Variants in NAALADL2 observed in about 807,000 individuals in gnomAD.
NAALADL2 encodes N-acetylated alpha-linked acidic dipeptidase like 2, also known as inactive N-acetylated-alpha-linked acidic dipeptidase-like protein 2.
In NAALADL2, 76 loss-of-function variants were observed where a neutral mutation model predicts 87.2. The ratio of observed to expected loss-of-function variants is 0.87; its 90% CI spans 0.72 to 1.05. The LOEUF is 1.05. NAALADL2 is among the 50% of genes least tolerant of loss of function. The pLI is 0.00. For synonymous variants in NAALADL2, 354 were observed against 331.0 expected, an observed-to-expected ratio of 1.07 and a Z score of -0.75; for missense variants, 1,089 against 945.8, an observed-to-expected ratio of 1.15 and a Z score of -1.99.
At chr3:175,348,772 CT>C (rs1335359560) in intron 5 of NAALADL2, among the ~76,000 whole-genome samples, 1 of 152,190 alleles carries the variant, frequency 6.6e-6, no homozygotes, top group Non-Finnish European at 1.5e-5. Context: ...TGCAAAGACT[CT>C]TTTTCTTAAG....
chr3:175,348,953 T>A (rs1763445980), intron 5 of NAALADL2, among the ~76,000 whole-genome samples: 1 of 152,150 alleles, frequency 6.6e-6, no homozygotes, highest in South Asian at 2.1e-4. Context: ...AAATAAAGCA[T>A]CCCTGTTAAT....
chr3:175,509,359 C>G (rs745936619), intron 9 of NAALADL2, among the ~76,000 whole-genome samples: 3 of 152,118 alleles, frequency 2.0e-5, no homozygotes, highest in Non-Finnish European at 2.9e-5. Flanking sequence ...CATATTTTGC[C>G]CTGTAGGGCT....
chr3:175,180,571 A>G (rs1580814140), intron 2 of NAALADL2, among the ~76,000 whole-genome samples: 2 of 152,132 alleles, frequency 1.3e-5, no homozygotes, highest in South Asian at 2.1e-4. Context: ...CACACACTGT[A>G]TCTCTCTATT....
At chr3:174,667,188 A>G (rs1458334158) in intron 2 of NAALADL2, among the ~76,000 whole-genome samples, 3 of 152,148 alleles carry the variant, frequency 2.0e-5, no homozygotes, top group East Asian at 3.9e-4. Flanking sequence ...ATGCATACCC[A>G]GAAGTAAGAT....
At chr3:175,318,256 G>A (rs1009680051) in intron 4 of NAALADL2, among the ~76,000 whole-genome samples, 2 of 152,006 alleles carry the variant, frequency 1.3e-5, no homozygotes, top group Admixed American at 1.3e-4. Context: ...TAGCATTTAT[G>A]ATGTGGTTTT....
intron 11 of NAALADL2, among the ~76,000 whole-genome samples, chr3:175,668,542 CA>C (rs1233941399): frequency 1.3e-5 from 2 of 152,024 alleles, no homozygotes; most frequent in East Asian, 3.9e-4. Context: ...AATTATACAG[CA>C]CAAGAAAACA....
At chr3:175,684,728 G>A (rs570879151) in intron 11 of NAALADL2, among the ~76,000 whole-genome samples, 4 of 152,210 alleles carry the variant, frequency 2.6e-5, no homozygotes, top group South Asian at 2.1e-4. Flanking sequence ...ACTTGAGCCC[G>A]GGAGTTTAAG....
At chr3:175,278,129 AATAAT>A (rs1292755851) in intron 4 of NAALADL2, among the ~76,000 whole-genome samples, 3 of 152,224 alleles carry the variant, frequency 2.0e-5, no homozygotes, top group Admixed American at 6.5e-5. Flanking sequence ...CCGTCTCAAT[AATAAT>A]AATAATAATA....
rs923425936 is a variant in NAALADL2 at position 175,110,109 on chromosome 3, C to T, written c.545+12818C>T. 1.8e-4 allele frequency among the ~76,000 whole-genome samples: 27 copies of T among 151,874 alleles called. 1 individual carries two copies. The highest frequency in any genetic ancestry group is 6.3e-4 in the African/African-American group (26 of 41,470). On this transcript the variant is annotated intron_variant, in intron 2 of 13. Coordinates refer to ENST00000454872, the MANE Select transcript of NAALADL2 (RefSeq NM_207015.3). ...TTATTGTGTTTTGGGGCATTTTTCC[C>T]ATAAATTTCACATTACATACAGAAC...
intron 9 of NAALADL2, among the ~76,000 whole-genome samples, chr3:175,484,893 A>G (rs1235107256): frequency 6.6e-6 from 1 of 152,134 alleles, no homozygotes; most frequent in African/African-American, 2.4e-5. Flanking sequence ...TGCTGTTCTT[A>G]TCAGTGTGCT....
intron 5 of NAALADL2, among the ~76,000 whole-genome samples, chr3:175,359,311 G>A (rs1333474452): frequency 6.6e-6 from 1 of 151,852 alleles, no homozygotes; most frequent in African/African-American, 2.4e-5. Flanking sequence ...TTTTTGCAAA[G>A]GACAAATACC....
intron 9 of NAALADL2, among the ~76,000 whole-genome samples, chr3:175,574,928 T>A (rs1718638363): frequency 6.6e-6 from 1 of 152,216 alleles, no homozygotes; most frequent in Non-Finnish European, 1.5e-5. Context: ...TTCTCACAAC[T>A]GTCCGGGAGA....
intron 5 of NAALADL2, among the ~76,000 whole-genome samples, chr3:175,361,376 A>G (rs1001844472): frequency 6.7e-6 from 1 of 148,302 alleles, no homozygotes; most frequent in Non-Finnish European, 1.5e-5. Context: ...CTTTGGGTAT[A>G]TACCCAGTAA....
At chr3:174,792,368 A>G (rs563237397) in intron 3 of NAALADL2, among the ~76,000 whole-genome samples, 1 of 152,102 alleles carries the variant, frequency 6.6e-6, no homozygotes, top group Admixed American at 6.6e-5. Context: ...GTTATTTTCA[A>G]TTTAGATACT....
chr3:175,777,821 C>T (rs757041857), intron 13 of NAALADL2, among the ~76,000 whole-genome samples: 1 of 152,204 alleles, frequency 6.6e-6, no homozygotes, highest in African/African-American at 2.4e-5. Flanking sequence ...GGATCTCCTC[C>T]CATACTCCAA....
intron 2 of NAALADL2, among the ~76,000 whole-genome samples, chr3:175,148,700 G>A (rs950817259): frequency 7.2e-5 from 11 of 152,198 alleles, no homozygotes; most frequent in Middle Eastern, 6.8e-3. Flanking sequence ...TAAATCGGGA[G>A]TCCTTTCCCC....
chr3:174,748,267 A>T (rs928434652), intron 3 of NAALADL2, among the ~76,000 whole-genome samples: 1 of 152,066 alleles, frequency 6.6e-6, no homozygotes, highest in Non-Finnish European at 1.5e-5. Flanking sequence ...GCACATGTTT[A>T]CCTATGTAAG....
intron 1 of NAALADL2, among the ~76,000 whole-genome samples, chr3:175,022,260 C>T (rs2108868546): frequency 6.6e-6 from 1 of 152,048 alleles, no homozygotes; most frequent in South Asian, 2.1e-4. Flanking sequence ...GCATGATGGA[C>T]TAATACAAAA....
At chr3:175,631,145 G>T (rs954581195) in intron 11 of NAALADL2, among the ~76,000 whole-genome samples, 1 of 151,540 alleles carries the variant, frequency 6.6e-6, no homozygotes, top group African/African-American at 2.4e-5. Context: ...CTTTGCTATA[G>T]ATTGCAAGCA....
Sources: gnomAD v4.1 joint callset for allele counts (sites outside exome capture counted in the v4.1 genomes callset) on GRCh38, gnomAD v4.1.1 for gene constraint, MANE v1.5 for transcripts, NCBI Gene and HGNC (gene_info 2026-07-23, HGNC 2026-07-21) for gene names.